MSRA: variants seen among roughly 807,000 people sequenced by gnomAD.
MSRA encodes methionine sulfoxide reductase A, also known as mitochondrial peptide methionine sulfoxide reductase.
In MSRA, 54 loss-of-function variants were observed where a neutral mutation model predicts 31.3. The ratio of observed to expected loss-of-function variants is 1.73; its 90% CI spans 1.39 to 2.17. The LOEUF (loss-of-function observed/expected upper bound fraction) is 2.17. Ranked by LOEUF, MSRA falls within the 30% of genes most tolerant of loss-of-function variation. MSRA has a pLI of 0.00. For synonymous variants in MSRA, 169 were observed against 116.5 expected (o/e 1.45, Z -2.90); for missense variants, 507 against 300.9 (o/e 1.69, Z -5.07).
At chr8:10,144,123 G>A (rs928901153) in intron 1 of MSRA, among the ~76,000 whole-genome samples, 1 of 152,156 alleles carries the variant, frequency 6.6e-6, no homozygotes, top group Non-Finnish European at 1.5e-5. Context: ...GGGCCGGATC[G>A]CCACCATCTT....
chr8:10,180,640 C>G (rs1199590927), intron 1 of MSRA, among the ~76,000 whole-genome samples: 2 of 152,172 alleles, frequency 1.3e-5, no homozygotes, highest in African/African-American at 4.8e-5. Context: ...CCCCATCACT[C>G]AGAATACCAA....
intron 5 of MSRA, among the ~76,000 whole-genome samples, chr8:10,425,060 C>A (rs996609104): frequency 1.3e-5 from 2 of 152,178 alleles, no homozygotes; most frequent in South Asian, 4.1e-4. Flanking sequence ...CAGGAAGACA[C>A]TAGATGTGAC....
At chr8:10,109,342 C>CTT (rs58003322) in intron 1 of MSRA, among the ~76,000 whole-genome samples, 5 of 145,134 alleles carry the variant, frequency 3.4e-5, no homozygotes, top group Non-Finnish European at 6.1e-5. Context: ...CTTTTCTTTT[C>CTT]TTTTTTTTTT....
chr8:10,175,085 C>T (rs1585095332), intron 1 of MSRA, among the ~76,000 whole-genome samples: 1 of 152,278 alleles, frequency 6.6e-6, no homozygotes, highest in East Asian at 1.9e-4. Context: ...TCTACTCTAC[C>T]TGTCTAGCCC....
intron 4 of MSRA, among the ~76,000 whole-genome samples, chr8:10,302,952 G>A (rs1244226890): frequency 2.0e-5 from 3 of 152,192 alleles, no homozygotes; most frequent in Non-Finnish European, 2.9e-5. Context: ...AGGTCTGTGG[G>A]CCTAGATTGC....
intron 3 of MSRA, among the ~76,000 whole-genome samples, chr8:10,270,423 A>C (rs1798969648): frequency 7.3e-6 from 1 of 136,696 alleles, no homozygotes; most frequent in South Asian, 2.4e-4. Context: ...AAAAAAAAAA[A>C]CTATCCTCTA....
chr8:10,337,518 G>C, intron 5 of MSRA: 1 of 578,858 alleles, frequency 1.7e-6, no homozygotes, highest in African/African-American at 1.9e-5. Context: ...AAAAGACTGT[G>C]TGCTACTAGG....
At chr8:10,207,635 C>T (rs920356417) in intron 1 of MSRA, among the ~76,000 whole-genome samples, 198 bp from the exon 2 acceptor site, 1 of 152,172 alleles carries the variant, frequency 6.6e-6, no homozygotes, top group African/African-American at 2.4e-5. Flanking sequence ...TATAAAATGA[C>T]ATACCTGAAC....
chr8:10,143,670 G>C (rs935084275), intron 1 of MSRA, among the ~76,000 whole-genome samples: 3 of 152,094 alleles, frequency 2.0e-5, no homozygotes, highest in African/African-American at 7.2e-5. Flanking sequence ...GCTCCTTCTG[G>C]CTCCTCTGAT....
At chr8:10,367,851 C>G (rs1805256952) in intron 5 of MSRA, among the ~76,000 whole-genome samples, 1 of 152,202 alleles carries the variant, frequency 6.6e-6, no homozygotes, top group Admixed American at 6.5e-5. Flanking sequence ...GGAAGGCGTT[C>G]TAGTTTGCCT....
chr8:10,351,633 T>C (rs1804155690), intron 5 of MSRA, among the ~76,000 whole-genome samples: 1 of 152,224 alleles, frequency 6.6e-6, no homozygotes, highest in Non-Finnish European at 1.5e-5. Flanking sequence ...AAAATATCTT[T>C]GTAGGGCAGG....
intron 5 of MSRA, among the ~76,000 whole-genome samples, chr8:10,339,556 T>TC (rs71203313): frequency 0.28 from 27,617 of 99,366 alleles, 4,190 homozygotes; most frequent in Admixed American, 0.32. Flanking sequence ...TTTTTTTTTT[T>TC]TCTGAGACGG....
intron 1 of MSRA, among the ~76,000 whole-genome samples, chr8:10,137,332 G>A (rs752802971): frequency 7.2e-5 from 11 of 152,158 alleles, no homozygotes; most frequent in Non-Finnish European, 1.0e-4. Flanking sequence ...GGAACGTCTT[G>A]GTGCCTGCCA....
intron 2 of MSRA, among the ~76,000 whole-genome samples, chr8:10,220,058 G>T (rs1266863641): frequency 6.6e-6 from 1 of 151,996 alleles, no homozygotes; most frequent in Non-Finnish European, 1.5e-5. Flanking sequence ...GGCCCAAGTA[G>T]TGTGAACAGT....
chr8:10,095,762 T>G (rs1387541434), intron 1 of MSRA: 1 of 1,154,976 alleles, frequency 8.7e-7, no homozygotes, highest in East Asian at 4.1e-5. Flanking sequence ...TTGGGCTATT[T>G]GAAAGTGTTG....
chr8:10,095,582 G>A (rs1449641146), intron 1 of MSRA: 1 of 986,038 alleles, frequency 1.0e-6, no homozygotes, highest in Non-Finnish European at 1.2e-6. Flanking sequence ...GAGAGAGAGA[G>A]GCAGAGGGAG....
chr8:10,092,677 T>A (rs540090004), intron 1 of MSRA, among the ~76,000 whole-genome samples: 2 of 152,072 alleles, frequency 1.3e-5, no homozygotes, highest in South Asian at 4.2e-4. Context: ...GTTGGGTAGA[T>A]TGTTTGGTAG....
At chr8:10,227,948 A>T (rs1261770972) in intron 2 of MSRA, among the ~76,000 whole-genome samples, 1 of 152,164 alleles carries the variant, frequency 6.6e-6, no homozygotes, top group African/African-American at 2.4e-5. Flanking sequence ...AAATGTTTAC[A>T]TTTTTTGCCA....
intron 3 of MSRA, among the ~76,000 whole-genome samples, chr8:10,264,367 A>G (rs1370574072): frequency 6.6e-6 from 1 of 152,246 alleles, no homozygotes; most frequent in African/African-American, 2.4e-5. Context: ...ACTATTATAA[A>G]TTATATGCAC....
Sources: gnomAD v4.1 joint callset for allele counts (sites outside exome capture counted in the v4.1 genomes callset) on GRCh38, gnomAD v4.1.1 for gene constraint, MANE v1.5 for transcripts, NCBI Gene and HGNC (gene_info 2026-07-23, HGNC 2026-07-21) for gene names.